Variants in CDH12 observed in about 807,000 individuals in gnomAD.
CDH12 encodes cadherin-12.
Under a neutral mutation model 74.1 loss-of-function variants are expected in CDH12, and 41 were observed. The observed-to-expected ratio is 0.55, with a 90% CI of 0.43 to 0.72. The LOEUF (loss-of-function observed/expected upper bound fraction) is 0.72, where lower values mean the gene tolerates loss of function less well. Among genes scored for constraint, CDH12 ranks in the 30% least tolerant of loss-of-function variants. The pLI is 0.00. For synonymous variants in CDH12, 399 were observed against 355.0 expected (o/e 1.12, Z -1.39); for missense variants, 945 against 977.2 (o/e 0.97, Z 0.44).
chr5:22,493,412 G>T (rs1011937511), intron 2 of CDH12, among the ~76,000 whole-genome samples: 1 of 152,096 alleles, frequency 6.6e-6, no homozygotes, highest in Non-Finnish European at 1.5e-5. Context: ...GAAATATATT[G>T]AGAAAAATTT....
At chr5:22,812,104 A>C (rs755935925) in intron 1 of CDH12, among the ~76,000 whole-genome samples, 5 of 152,152 alleles carry the variant, frequency 3.3e-5, no homozygotes, top group Non-Finnish European at 5.9e-5. Context: ...TGATGAGCTT[A>C]ACTGTGGAAC....
At chr5:22,815,013 G>A (rs1411758654) in intron 1 of CDH12, among the ~76,000 whole-genome samples, 1 of 152,124 alleles carries the variant, frequency 6.6e-6, no homozygotes, top group East Asian at 1.9e-4. Context: ...AAGCTTGTCC[G>A]AAAATATTAA....
At chr5:22,531,337 G>A (rs1464848892) in intron 1 of CDH12, among the ~76,000 whole-genome samples, 1 of 152,006 alleles carries the variant, frequency 6.6e-6, no homozygotes, top group Non-Finnish European at 1.5e-5. Flanking sequence ...ATTTTTGTCA[G>A]TGTTTTCCAT....
At chr5:22,598,429 C>T (rs962069559) in intron 1 of CDH12, among the ~76,000 whole-genome samples, 4 of 152,190 alleles carry the variant, frequency 2.6e-5, no homozygotes, top group Admixed American at 6.5e-5. Flanking sequence ...CTTCACTCGG[C>T]GCTCACTCTC....
At chr5:22,333,196 C>T (rs1429729146) in intron 3 of CDH12, among the ~76,000 whole-genome samples, 1 of 152,092 alleles carries the variant, frequency 6.6e-6, no homozygotes, top group Non-Finnish European at 1.5e-5. Context: ...AGCCATCATC[C>T]TCAGCAAACT....
At chr5:22,039,708 C>T (rs932886315) in intron 5 of CDH12, among the ~76,000 whole-genome samples, 6 of 152,134 alleles carry the variant, frequency 3.9e-5, no homozygotes, top group African/African-American at 1.4e-4. Flanking sequence ...TACACAAAGT[C>T]ATTGCTGATG....
chr5:21,869,418 A>G (rs573762760), intron 6 of CDH12, among the ~76,000 whole-genome samples: 1 of 152,312 alleles, frequency 6.6e-6, no homozygotes, highest in South Asian at 2.1e-4. Context: ...AATAAATGCC[A>G]GCTATGAGCA....
intron 8 of CDH12, among the ~76,000 whole-genome samples, chr5:21,838,159 G>A (rs1003786731): frequency 6.6e-6 from 1 of 152,160 alleles, no homozygotes; most frequent in Non-Finnish European, 1.5e-5. Context: ...ATAGGCCTCA[G>A]TTTCTTAACA....
intron 3 of CDH12, among the ~76,000 whole-genome samples, chr5:22,363,864 C>T (rs1740923169): frequency 6.6e-6 from 1 of 152,174 alleles, no homozygotes; most frequent in Admixed American, 6.5e-5. Flanking sequence ...GATAACCAGA[C>T]AGTAAACTAG....
intron 1 of CDH12, among the ~76,000 whole-genome samples, chr5:22,577,345 GA>G: frequency 6.6e-6 from 1 of 152,198 alleles, no homozygotes. Context: ...GCAGTTATGA[GA>G]AAAAGCCATA....
intron 3 of CDH12, among the ~76,000 whole-genome samples, chr5:22,363,628 G>T (rs777435019): frequency 1.1e-4 from 16 of 152,148 alleles, no homozygotes; most frequent in Non-Finnish European, 2.2e-4. Context: ...TTGGAAAGCT[G>T]ACAGATAACA....
chr5:22,271,259 A>G (rs1006679129), intron 3 of CDH12, among the ~76,000 whole-genome samples: 7 of 152,196 alleles, frequency 4.6e-5, no homozygotes, highest in Non-Finnish European at 1.0e-4. Flanking sequence ...TTCTAGCTCA[A>G]GAAATCAGTT....
chr5:22,659,610 T>C (rs1023328378), intron 1 of CDH12, among the ~76,000 whole-genome samples: 1 of 152,130 alleles, frequency 6.6e-6, no homozygotes, highest in Non-Finnish European at 1.5e-5. Context: ...AATACCACTT[T>C]ATCACTTTGA....
At chr5:22,669,960 T>G (rs1436272632) in intron 1 of CDH12, among the ~76,000 whole-genome samples, 1 of 152,208 alleles carries the variant, frequency 6.6e-6, no homozygotes, top group African/African-American at 2.4e-5. Context: ...AATATTTTCA[T>G]GCATTGATTT....
chr5:22,125,996 A>AT (rs1426678681), intron 4 of CDH12, among the ~76,000 whole-genome samples: 47 of 78,026 alleles, frequency 6.0e-4, no homozygotes, highest in Admixed American at 1.5e-3. Context: ...TATTTCATTC[A>AT]TTTTGGGGGG....
chr5:22,131,171 T>A (rs1430301033), intron 4 of CDH12, among the ~76,000 whole-genome samples: 2 of 152,126 alleles, frequency 1.3e-5, no homozygotes, highest in Admixed American at 1.3e-4. Context: ...ACTCTATGTA[T>A]AGATATGTCT....
intron 6 of CDH12, among the ~76,000 whole-genome samples, chr5:21,885,996 C>G (rs776502776): frequency 1.3e-5 from 2 of 152,050 alleles, no homozygotes; most frequent in Non-Finnish European, 2.9e-5. Flanking sequence ...TGTGAACTTC[C>G]TTGAATTTGT....
chr5:22,552,192 CTCCTTCT>C (rs1409227587), intron 1 of CDH12, among the ~76,000 whole-genome samples: 1 of 151,902 alleles, frequency 6.6e-6, no homozygotes, highest in Non-Finnish European at 1.5e-5. Flanking sequence ...AAGGGGAGAG[CTCCTTCT>C]ATAGCCTTTC....
At chr5:22,398,600 A>C (rs937809221) in intron 3 of CDH12, among the ~76,000 whole-genome samples, 1 of 152,156 alleles carries the variant, frequency 6.6e-6, no homozygotes, top group Non-Finnish European at 1.5e-5. Flanking sequence ...TAGAACACGC[A>C]TCCTCTTCTT....
Sources: allele counts gnomAD v4.1 joint callset (sites outside exome capture counted in the v4.1 genomes callset), GRCh38; gene constraint gnomAD v4.1.1; transcripts MANE v1.5; gene names NCBI Gene and HGNC (gene_info 2026-07-23, HGNC 2026-07-21).